Variants in EPB41 observed in about 807,000 individuals in gnomAD.
The protein encoded by EPB41 is protein 4.1.
Under a neutral mutation model 108.0 loss-of-function variants are expected in EPB41, and 65 were observed. That is an observed-to-expected ratio of 0.60 (90% CI 0.49 to 0.74). The LOEUF (loss-of-function observed/expected upper bound fraction) is 0.74. EPB41 is among the 30% of genes least tolerant of loss of function. EPB41 has a pLI of 0.00. For synonymous variants in EPB41, 336 were observed against 358.9 expected, an observed-to-expected ratio of 0.94 and a Z score of 0.72; for missense variants, 875 against 1,037.0, an observed-to-expected ratio of 0.84 and a Z score of 2.15.
chr1:28,887,992 T>G lies in EPB41; in HGVS notation c.-8+782T>G, dbSNP rs550041711. Among the ~76,000 whole-genome samples the G allele has an allele frequency of 6.6e-6, 1 of 152,220 alleles. No individual in the cohort carries two copies. The highest frequency in any genetic ancestry group is 2.1e-4 in the South Asian group (1 of 4,824). On this transcript the variant is annotated intron_variant, in intron 1 of 16. Transcript: ENST00000347529. The surrounding 1 kb of genome is among the most constrained non-coding windows in gnomAD (Gnocchi z 4.9). ...GAATTGTCTCGCCCTCACCTACACT[T>G]CCCGGCAGGCCCCACCTCTTCAGGG...
chr1:28,938,535 ATTTT>A (rs35883902), intron 1 of EPB41, among the ~76,000 whole-genome samples: 104 of 145,176 alleles, frequency 7.2e-4, no homozygotes, highest in Admixed American at 1.2e-3. Context: ...TGATTTTTGA[ATTTT>A]TTTTTTTTTT....
chr1:29,031,045 G>A (rs970516135), intron 8 of EPB41, among the ~76,000 whole-genome samples: 5 of 152,104 alleles, frequency 3.3e-5, no homozygotes, highest in Admixed American at 1.3e-4. Flanking sequence ...TCCTGACCTC[G>A]TGATCCGCCC....
At chr1:29,022,912 G>A (rs796648166) in intron 7 of EPB41, among the ~76,000 whole-genome samples, 6 of 152,044 alleles carry the variant, frequency 3.9e-5, no homozygotes, top group African/African-American at 1.5e-4. Flanking sequence ...GTAAAGCAAA[G>A]TTACCTTTTC....
At chr1:28,973,796 C>T (rs1039789211) in intron 1 of EPB41, among the ~76,000 whole-genome samples, 4 of 152,188 alleles carry the variant, frequency 2.6e-5, no homozygotes, top group Admixed American at 2.0e-4. Context: ...AGAATCCTCT[C>T]TCTGGCATCT....
chr1:28,891,906 G>A lies in EPB41; in HGVS notation c.-8+4696G>A, dbSNP rs990506677. 7.2e-5 allele frequency among the ~76,000 whole-genome samples: 11 copies of A among 152,052 alleles called. 1 individual carries two copies. The highest frequency in any genetic ancestry group is 2.1e-4 in the South Asian group (1 of 4,810). ...GAGTTCGACACAGCCTGGCTAACAC[G>A]GTGAAACCCCGTCTCTACTAAAAAT... is the stretch of plus-strand genomic sequence containing the variant. On this transcript the variant is annotated intron_variant, in intron 1 of 16. Transcript: ENST00000347529.
chr1:29,018,166 T>G lies in EPB41; in HGVS notation c.906-58T>G. 2 of 1,508,944 alleles carry G rather than the reference T, an allele frequency of 1.3e-6. No individual in the cohort carries two copies. 93.5% of individuals were successfully genotyped at this position (1,508,944 alleles called of 1,614,324 possible). On this transcript the variant is annotated intron_variant, in intron 6 of 20. Coordinates refer to ENST00000343067, the MANE Select transcript of EPB41 (RefSeq NM_001376013.1). This position sits in a 1 kb window ranked among gnomAD's most constrained non-coding sequence, Gnocchi z 4.4. ...TGTTTCTCCCCTTTTCTCCTTTTTC[T>G]CTCTTTATATTTTGTTGTTGTTGTT...
In EPB41 at chr1:28,937,629, G is replaced by A. The variant is rs186355888; in HGVS notation, c.-8+22861G>A. 3.8e-3 allele frequency among the ~76,000 whole-genome samples: 572 copies of A among 152,256 alleles called. 6 individuals are homozygous for A. Among genetic ancestry groups the A allele is most frequent in the African/African-American group, 0.013 (531 of 41,554 alleles). On this transcript the variant is annotated intron_variant, in intron 1 of 20. Transcript: ENST00000343067. ...AGGCTGGTCTTTAACTCCTGACCTC[G>A]TGATCTGCCCGCCTTGGCCTCCCAA...
intron 1 of EPB41, among the ~76,000 whole-genome samples, chr1:28,927,276 T>C (rs2093498725): frequency 6.6e-6 from 1 of 152,240 alleles, no homozygotes. Context: ...ATTTTTGCTT[T>C]TATACATTTT....
chr1:29,036,250 T>A (rs1370805526), intron 10 of EPB41, among the ~76,000 whole-genome samples: 1 of 139,232 alleles, frequency 7.2e-6, no homozygotes, highest in Non-Finnish European at 1.5e-5. Flanking sequence ...TACCTCCACG[T>A]GTGATTTTTT....
In EPB41 at chr1:28,961,818, G is replaced by A. The variant is rs61785235; in HGVS notation, c.-7-25613G>A. 3.1e-3 allele frequency among the ~76,000 whole-genome samples: 470 copies of A among 152,208 alleles called. 2 individuals are homozygous for A. The highest frequency in any genetic ancestry group is 5.9e-3 in the Non-Finnish European group (399 of 68,014). On this transcript the variant is annotated intron_variant, in intron 1 of 20. Coordinates refer to ENST00000343067, the MANE Select transcript of EPB41 (RefSeq NM_001376013.1). ...TCCAGGAGTGGAATAAATCTTTACAGTACAGTTTAAATCTTTAGAGGAAAC... is the reference window on the plus strand; with the variant it reads ...TCCAGGAGTGGAATAAATCTTTACAATACAGTTTAAATCTTTAGAGGAAAC...
chr1:28,899,469 C>T (rs1244287894), intron 1 of EPB41, among the ~76,000 whole-genome samples: 3 of 152,196 alleles, frequency 2.0e-5, no homozygotes, highest in Non-Finnish European at 4.4e-5. Context: ...TCTAGCCCCA[C>T]CCATGACAGT....
At chr1:29,033,972 G>C (rs1201383190) in intron 9 of EPB41, among the ~76,000 whole-genome samples, 1 of 152,126 alleles carries the variant, frequency 6.6e-6, no homozygotes, top group African/African-American at 2.4e-5. Context: ...CAAATGAGAT[G>C]ACAGCTGTGT....
chr1:28,987,002 G>A (rs1017648699), intron 1 of EPB41, among the ~76,000 whole-genome samples: 2 of 152,114 alleles, frequency 1.3e-5, no homozygotes, highest in Admixed American at 6.5e-5. Flanking sequence ...AAATTTCATC[G>A]TCTCTTGGTG....
chr1:28,888,650 C>T (rs1170625263), intron 1 of EPB41, among the ~76,000 whole-genome samples: 1 of 152,160 alleles, frequency 6.6e-6, no homozygotes, highest in African/African-American at 2.4e-5. Context: ...TCTTTTGAGA[C>T]GGAGTCTCGC....
chr1:28,983,929 G>A (rs1296549152), intron 1 of EPB41, among the ~76,000 whole-genome samples: 2 of 150,962 alleles, frequency 1.3e-5, no homozygotes, highest in Non-Finnish European at 2.9e-5. Flanking sequence ...CCGGTGTCCA[G>A]GAAAAATGAG....
intron 1 of EPB41, chr1:28,890,848 G>C (rs1189301547): frequency 1.1e-6 from 1 of 900,732 alleles, no homozygotes; most frequent in Non-Finnish European, 1.3e-6. Flanking sequence ...ACCTAACTAA[G>C]AGTGGGAGCC....
At chr1:29,093,836 C>T (rs1432189597) in intron 16 of EPB41, among the ~76,000 whole-genome samples, 3 of 152,052 alleles carry the variant, frequency 2.0e-5, no homozygotes, top group Admixed American at 6.6e-5. Context: ...ACTTAGGAGG[C>T]GGAGGTTGCA....
chr1:28,900,554 C>G (rs1190940603), intron 1 of EPB41, among the ~76,000 whole-genome samples: 1 of 152,090 alleles, frequency 6.6e-6, no homozygotes, highest in African/African-American at 2.4e-5. Flanking sequence ...TCCCAAAGTG[C>G]TGGGATTACA....
At chr1:29,111,204 T>C (rs559719626) in intron 18 of EPB41, among the ~76,000 whole-genome samples, 1 of 151,100 alleles carries the variant, frequency 6.6e-6, no homozygotes, top group Admixed American at 6.6e-5. Context: ...TCAATTAAAA[T>C]GTATAGCATC....
Sources: allele counts gnomAD v4.1 joint callset (sites outside exome capture counted in the v4.1 genomes callset), GRCh38; gene constraint gnomAD v4.1.1; non-coding constraint Gnocchi (gnomAD v3.1); transcripts MANE v1.5; gene names NCBI Gene and HGNC (gene_info 2026-07-23, HGNC 2026-07-21).